GLYR1: variants seen among roughly 807,000 people sequenced by gnomAD.
GLYR1 encodes glyoxylate reductase 1 homolog.
A neutral mutation model predicts 72.7 loss-of-function variants in GLYR1; 21 were observed. That is an observed-to-expected ratio of 0.29 (90% CI 0.20 to 0.42). The LOEUF is 0.42. GLYR1 is among the 10% of genes least tolerant of loss of function. GLYR1 has a pLI of 1.00. For missense variants in GLYR1, 594 were observed against 712.1 expected (o/e 0.83, Z 1.89); for synonymous variants, 392 against 270.2 (o/e 1.45, Z -4.42).
At position 4,804,444 on chromosome 16, in the gene GLYR1, G is replaced by C. The variant is rs536010834; in HGVS notation, c.*792C>G. 6.5e-6 allele frequency: 1 copy of C among 153,042 alleles called. No individual in the cohort carries two copies. Among genetic ancestry groups the C allele is most frequent in the African/African-American group, 2.4e-5 (1 of 41,474 alleles). The allele number at this position is 153,042 out of a possible 1,614,324, so 9.5% of individuals were successfully genotyped here. On this transcript the variant is annotated 3_prime_UTR_variant, in exon 16 of 16. Coordinates refer to ENST00000321919, the MANE Select transcript of GLYR1 (RefSeq NM_032569.4). ...AAATCCAAATACTAAAACAGCCTAGGGAGGAGCGAGCGCCCGCTGTGGCAG... is the reference window on the plus strand; with the variant it reads ...AAATCCAAATACTAAAACAGCCTAGCGAGGAGCGAGCGCCCGCTGTGGCAG...
chr16:4,808,828 C>T (rs971396273), intron 15 of GLYR1, among the ~76,000 whole-genome samples: 5 of 151,500 alleles, frequency 3.3e-5, no homozygotes, highest in African/African-American at 1.2e-4. Context: ...AAGTTGGATA[C>T]AGTTGTGCAC....
intron 3 of GLYR1, among the ~76,000 whole-genome samples, chr16:4,841,761 A>C (rs1217181282): frequency 1.3e-5 from 2 of 152,240 alleles, no homozygotes; most frequent in African/African-American, 2.4e-5. Context: ...TTATTCATTT[A>C]GCTAATGAAG....
At chr16:4,837,671 C>T (rs915787902) in intron 3 of GLYR1, among the ~76,000 whole-genome samples, 1 of 151,978 alleles carries the variant, frequency 6.6e-6, no homozygotes, top group Non-Finnish European at 1.5e-5. Context: ...TGAGAACAAG[C>T]CGGCACGGTA....
chr16:4,833,696 T>C (rs1045934981), intron 3 of GLYR1, among the ~76,000 whole-genome samples: 1 of 151,278 alleles, frequency 6.6e-6, no homozygotes, highest in African/African-American at 2.4e-5. Flanking sequence ...TAGAAGAACA[T>C]ACACCTCCGA....
rs2082837433 is a variant in GLYR1, at chr16:4,804,069, T to C, written c.*1167A>G. ...CGGGCCCGGGAAGCACCGAAGACCA[T>C]GATGCTGGCTGGAGTGAAGACACTC... On this transcript the variant is annotated 3_prime_UTR_variant, in exon 16 of 16. Coordinates refer to ENST00000321919, the MANE Select transcript of GLYR1 (RefSeq NM_032569.4). 1 of 152,190 alleles carries C rather than the reference T, an allele frequency of 6.6e-6. No homozygotes were observed. The highest frequency in any genetic ancestry group is 1.5e-5 in the Non-Finnish European group (1 of 68,136). 9.4% of individuals were successfully genotyped at this position (152,190 alleles called of 1,614,324 possible). A position where few individuals can be genotyped will look rare whatever the true frequency, so the allele number is the denominator to read the frequency against.
intron 12 of GLYR1, among the ~76,000 whole-genome samples, chr16:4,812,959 G>A (rs2083411610): frequency 6.8e-6 from 1 of 146,368 alleles, no homozygotes; most frequent in South Asian, 2.2e-4. Flanking sequence ...ACCATGCCTG[G>A]CTAATTTTTT....
chr16:4,842,888 CAG>C (rs1339982675), intron 3 of GLYR1, among the ~76,000 whole-genome samples: 1 of 151,962 alleles, frequency 6.6e-6, no homozygotes, highest in East Asian at 1.9e-4. Context: ...TTAGTAGAGA[CAG>C]GGTTTCACCA....
Position 4,814,589 on chromosome 16 carries a change from G to A in GLYR1, c.965C>T (p.Ser322Leu). Residue 322 changes from serine to leucine, a missense_variant, in exon 11 of 16, where the codon TCA becomes TTA. Physicochemically the swap from Ser to Leu is moderately radical, Grantham distance 145 (BLOSUM62 -2). Transcript: ENST00000321919. ...RLGRTPAEVV[S>L]TCDITFACVS... is the part of the protein sequence containing the mutation. Reference sequence around the variant, plus strand: ...GCAGGCGAAAGTGATGTCGCAGGTTGAGACGACTTCAGCGGGGGTTCTTCC... The same window carrying A: ...GCAGGCGAAAGTGATGTCGCAGGTTAAGACGACTTCAGCGGGGGTTCTTCC... The A allele has an allele frequency of 6.2e-7, 1 of 1,614,188 alleles. No individual in the cohort carries two copies. Among genetic ancestry groups the A allele is most frequent in the Non-Finnish European group, 8.5e-7 (1 of 1,180,036 alleles).
chr16:4,839,789 C>G (rs1305237522), intron 3 of GLYR1: 1 of 152,136 alleles, frequency 6.6e-6, no homozygotes, highest in East Asian at 1.9e-4. Context: ...TCATAAGGAG[C>G]CGTTCTTTCT....
intron 5 of GLYR1, among the ~76,000 whole-genome samples, chr16:4,829,741 C>T (rs951550215): frequency 2.0e-5 from 3 of 151,954 alleles, no homozygotes; most frequent in African/African-American, 4.8e-5. Context: ...GGCGCAATCT[C>T]GGCTCACTGC....
At chr16:4,823,568 T>C (rs2084179407) in intron 6 of GLYR1, among the ~76,000 whole-genome samples, 2 of 152,150 alleles carry the variant, frequency 1.3e-5, no homozygotes, top group South Asian at 4.1e-4. Flanking sequence ...TAAAAAAAAC[T>C]AGACATAGGT....
intron 3 of GLYR1, chr16:4,843,707 C>T (rs140248964): frequency 8.6e-7 from 1 of 1,168,154 alleles, no homozygotes; most frequent in African/African-American, 1.6e-5. Context: ...CTTTAACCGT[C>T]AGAATTAGAT....
chr16:4,843,535 T>G, intron 3 of GLYR1: 1 of 1,288,638 alleles, frequency 7.8e-7, no homozygotes, highest in Non-Finnish European at 1.0e-6. Context: ...AGGCCAGCGA[T>G]CTCCTTGAAA....
Position 4,814,607 on chromosome 16 carries a change from G to A in GLYR1, c.947C>T (p.Thr316Ile). The change falls in exon 11 of 16, where the codon ACC (threonine) becomes ATC (isoleucine). Residue 316 changes from threonine to isoleucine, a missense_variant. By Grantham distance (89) the Thr-to-Ile change is moderately conservative. This residue lies in a region of GLYR1 where 266 missense variants were observed against 358.4 expected (regional missense o/e 0.74). Coordinates refer to ENST00000321919, the MANE Select transcript of GLYR1 (RefSeq NM_032569.4). ...GCAGGTTGAGACGACTTCAGCGGGGGTTCTTCCCAGACGGGCCCCCTCCTG... is the reference window on the plus strand; with the variant it reads ...GCAGGTTGAGACGACTTCAGCGGGGATTCTTCCCAGACGGGCCCCCTCCTG... The part of the protein sequence containing the change: ...FIQEGARLGR[T>I]PAEVVSTCDI... 6.2e-7 allele frequency: 1 copy of A among 1,614,138 alleles called. No homozygotes were observed. Among genetic ancestry groups the A allele is most frequent in the Non-Finnish European group, 8.5e-7 (1 of 1,180,022 alleles).
intron 12 of GLYR1, 89 bp downstream of exon 12, chr16:4,813,648 A>T: frequency 8.8e-7 from 1 of 1,131,740 alleles, no homozygotes; most frequent in Non-Finnish European, 1.3e-6. Context: ...CTTTGGCTCT[A>T]GAGTAACTTA....
chr16:4,841,452 C>T (rs1199961955), intron 3 of GLYR1, among the ~76,000 whole-genome samples: 5 of 64,864 alleles, frequency 7.7e-5, no homozygotes, highest in Non-Finnish European at 1.4e-4. Context: ...GAGAACTTGT[C>T]TCTACAAAAA....
chr16:4,808,944 AAG>A (rs1013057628), intron 15 of GLYR1, among the ~76,000 whole-genome samples: 25 of 152,316 alleles, frequency 1.6e-4, no homozygotes, highest in Non-Finnish European at 2.5e-4. Flanking sequence ...TTACCTGGGC[AAG>A]AGAGTGAGAC....
At chr16:4,830,556 G>A (rs1042932581) in intron 5 of GLYR1, among the ~76,000 whole-genome samples, 7 of 152,146 alleles carry the variant, frequency 4.6e-5, no homozygotes, top group Non-Finnish European at 1.0e-4. Context: ...TCCATTACCT[G>A]CCTGGGCTCG....
intron 12 of GLYR1, among the ~76,000 whole-genome samples, chr16:4,813,067 G>A (rs796629295): frequency 2.7e-5 from 4 of 150,708 alleles, no homozygotes; most frequent in African/African-American, 9.8e-5. Context: ...GGTTCATGCC[G>A]CTCTCCTGCC....
Sources: allele counts gnomAD v4.1 joint callset (sites outside exome capture counted in the v4.1 genomes callset), GRCh38; gene constraint gnomAD v4.1.1; regional missense constraint gnomAD v4.1.1; transcripts MANE v1.5; gene names NCBI Gene and HGNC (gene_info 2026-07-23, HGNC 2026-07-21).